DOK5: variants seen among roughly 807,000 people sequenced by gnomAD.
DOK5 encodes the protein docking protein 5.
Under a neutral mutation model 43.3 loss-of-function variants are expected in DOK5, and 27 were observed. The ratio of observed to expected loss-of-function variants is 0.62; its 90% CI spans 0.46 to 0.86. The LOEUF (loss-of-function observed/expected upper bound fraction) is 0.86, where lower values mean the gene tolerates loss of function less well. Among genes scored for constraint, DOK5 ranks in the 40% least tolerant of loss-of-function variants. The probability of loss-of-function intolerance (pLI) is 0.00; values close to 1 mark genes in which losing one functional copy is unlikely to be tolerated. For synonymous variants in DOK5, 146 were observed against 140.1 expected, an observed-to-expected ratio of 1.04 and a Z score of -0.30; for missense variants, 373 against 392.9, an observed-to-expected ratio of 0.95 and a Z score of 0.43.
At chr20:54,498,679 C>T (rs1186527787) in intron 1 of DOK5, among the ~76,000 whole-genome samples, 9 of 152,110 alleles carry the variant, frequency 5.9e-5, no homozygotes, top group East Asian at 1.9e-4. Context: ...TTAAGGGCCA[C>T]GATCCTGGTG....
chr20:54,483,040 T>G (rs960203255), intron 1 of DOK5, among the ~76,000 whole-genome samples: 1 of 152,228 alleles, frequency 6.6e-6, no homozygotes, highest in Non-Finnish European at 1.5e-5. Context: ...ATGGTTTCCA[T>G]GTCAGAAGGG....
chr20:54,588,892 G>A, intron 4 of DOK5, 86 bp downstream of exon 4: 2 of 1,426,672 alleles, frequency 1.4e-6, no homozygotes, highest in Non-Finnish European at 1.9e-6. Flanking sequence ...ATTATGTAAA[G>A]TTTTTGGGGT....
At position 54,572,557 on chromosome 20, in the gene DOK5, C is replaced by T. The variant is rs1030521038; in HGVS notation, c.175-15926C>T. 2.6e-4 allele frequency among the ~76,000 whole-genome samples: 39 copies of T among 152,172 alleles called. 1 individual carries two copies. The highest frequency in any genetic ancestry group is 9.2e-4 in the African/African-American group (38 of 41,492). ...CATGATTGATATGAGGTGTTCAGAA[C>T]GTAATACCTAGCATATAATTAAGAA... On this transcript the variant is annotated intron_variant, in intron 2 of 7. Transcript: ENST00000262593.
intron 6 of DOK5, among the ~76,000 whole-genome samples, chr20:54,619,552 GT>G (rs1986919802): frequency 1.3e-5 from 2 of 152,214 alleles, no homozygotes; most frequent in Non-Finnish European, 2.9e-5. Context: ...GGGGCTCCGG[GT>G]GGGGTGAGGG....
intron 5 of DOK5, among the ~76,000 whole-genome samples, chr20:54,603,143 T>G (rs1348989444): frequency 6.6e-6 from 1 of 152,228 alleles, no homozygotes; most frequent in Non-Finnish European, 1.5e-5. Flanking sequence ...TGAAAGTTGT[T>G]TGTGAATGAT....
rs936475016 is a variant in DOK5 at position 54,650,724 on chromosome 20, C to A, written c.*245C>A. ...TGACTCTGTGTTCCCTCTTTTACAG[C>A]TGGACAGAAAGAAGTCAATGTCACG... On this transcript the variant is annotated 3_prime_UTR_variant, in exon 8 of 8. Transcript: ENST00000262593. 3.7e-5 allele frequency: 14 copies of A among 378,758 alleles called. No homozygotes were observed. The highest frequency in any genetic ancestry group is 6.1e-5 in the Non-Finnish European group (13 of 212,560). The allele number at this position is 378,758 out of a possible 1,614,324, so 23.5% of individuals were successfully genotyped here.
intron 7 of DOK5, among the ~76,000 whole-genome samples, chr20:54,644,414 A>G (rs1275822607): frequency 6.6e-6 from 1 of 151,896 alleles, no homozygotes; most frequent in African/African-American, 2.4e-5. Flanking sequence ...TTTACTAAAA[A>G]AAATACAAGG....
At chr20:54,482,419 T>A (rs1981755617) in intron 1 of DOK5, among the ~76,000 whole-genome samples, 1 of 152,242 alleles carries the variant, frequency 6.6e-6, no homozygotes, top group Non-Finnish European at 1.5e-5. Context: ...TGTTCAGGAA[T>A]CCATGCATTT....
chr20:54,542,099 T>TACACACAC (rs59020714), intron 1 of DOK5, among the ~76,000 whole-genome samples: 60 of 122,048 alleles, frequency 4.9e-4, no homozygotes, highest in Admixed American at 1.4e-3. Context: ...TATTATAAGA[T>TACACACAC]ACACACACAC....
intron 2 of DOK5, among the ~76,000 whole-genome samples, chr20:54,586,671 A>C (rs7273072): frequency 0.095 from 14,471 of 152,132 alleles, 2,082 homozygotes; most frequent in African/African-American, 0.31. Flanking sequence ...TAGCCTTGAG[A>C]CTGACTAGGT....
In DOK5 at chr20:54,542,414, A is replaced by C. The variant is rs371248927; in HGVS notation, c.67-12519A>C. 2.7e-4 allele frequency among the ~76,000 whole-genome samples: 41 copies of C among 152,354 alleles called. 2 individuals are homozygous for C. The East Asian group carries it at 3.5e-3, about 13-fold the overall frequency. On this transcript the variant is annotated intron_variant, in intron 1 of 7. Coordinates refer to ENST00000262593, the MANE Select transcript of DOK5 (RefSeq NM_018431.5). ...AGTTAGAAATCGAAGCTAGACAAAT[A>C]AATATAACAAATTATGGCTTCTTTC... is the stretch of plus-strand genomic sequence containing the variant.
chr20:54,600,747 A>G (rs1360458315), intron 5 of DOK5, among the ~76,000 whole-genome samples: 2 of 152,228 alleles, frequency 1.3e-5, no homozygotes, highest in African/African-American at 4.8e-5. Context: ...GCTGACTGAT[A>G]TCACATGACC....
intron 2 of DOK5, 97 bp from the exon 3 acceptor site, chr20:54,588,386 T>C (rs1378840462): frequency 1.1e-6 from 1 of 925,446 alleles, no homozygotes; most frequent in African/African-American, 1.6e-5. Context: ...TGCTCAGCTG[T>C]GCTGTGCCAT....
chr20:54,500,924 T>G (rs929871483), intron 1 of DOK5, among the ~76,000 whole-genome samples: 1 of 152,174 alleles, frequency 6.6e-6, no homozygotes, highest in Non-Finnish European at 1.5e-5. Flanking sequence ...CATTTTAACT[T>G]TAAAACTGTG....
At chr20:54,500,752 G>C (rs1982563827) in intron 1 of DOK5, among the ~76,000 whole-genome samples, 1 of 151,800 alleles carries the variant, frequency 6.6e-6, no homozygotes, top group Admixed American at 6.6e-5. Context: ...GTAGTAATGG[G>C]GTTTCTCCAT....
intron 2 of DOK5, among the ~76,000 whole-genome samples, chr20:54,571,634 G>A (rs550197845): frequency 6.6e-6 from 1 of 152,114 alleles, no homozygotes; most frequent in Non-Finnish European, 1.5e-5. Flanking sequence ...CTCTGGGGAA[G>A]GGGGGTGGGC....
chr20:54,504,419 C>G (rs182796614), intron 1 of DOK5, among the ~76,000 whole-genome samples: 1 of 152,232 alleles, frequency 6.6e-6, no homozygotes, highest in Non-Finnish European at 1.5e-5. Flanking sequence ...CTGAGGCTTT[C>G]TCTTGTTGAA....
intron 6 of DOK5, among the ~76,000 whole-genome samples, chr20:54,633,187 T>A (rs1978651198): frequency 6.6e-6 from 1 of 152,228 alleles, no homozygotes; most frequent in Non-Finnish European, 1.5e-5. Flanking sequence ...CAGGTAATGC[T>A]TCTGCTTGCC....
chr20:54,568,032 C>A (rs1166938904), intron 2 of DOK5, among the ~76,000 whole-genome samples: 1 of 152,142 alleles, frequency 6.6e-6, no homozygotes, highest in African/African-American at 2.4e-5. Context: ...TTCTCTCCTA[C>A]CCCACAATTA....
Sources: gnomAD v4.1 joint callset for allele counts (sites outside exome capture counted in the v4.1 genomes callset) on GRCh38, gnomAD v4.1.1 for gene constraint, MANE v1.5 for transcripts, NCBI Gene and HGNC (gene_info 2026-07-23, HGNC 2026-07-21) for gene names.